Variants in ANXA2R observed in about 807,000 individuals in gnomAD.
ANXA2R encodes the protein annexin A2 receptor.
For synonymous variants in ANXA2R, 93 were observed against 93.6 expected (o/e 0.99, Z 0.04); for missense variants, 244 against 241.5 (o/e 1.01, Z -0.07).
upstream of ANXA2R, chr5:43,041,750 G>A (rs895456976): frequency 3.9e-5 from 6 of 152,072 alleles, no homozygotes; most frequent in Non-Finnish European, 8.8e-5. Context: ...GAACTTGCTA[G>A]GACTAAGAAA....
Position 43,040,115 on chromosome 5 carries a change from G to A in ANXA2R, c.-69C>T. 6.9e-7 allele frequency: 1 copy of A among 1,448,508 alleles called. No individual in the cohort carries two copies. Among genetic ancestry groups the A allele is most frequent in the Non-Finnish European group, 9.3e-7 (1 of 1,071,300 alleles). The allele number at this position is 1,448,508 out of a possible 1,614,324, so 89.7% of individuals were successfully genotyped here. A position where few individuals can be genotyped will look rare whatever the true frequency, so the allele number is the denominator to read the frequency against. ...AGTCTCTGCACTACCATCAGCCTGA[G>A]TATTTATGCTCTGCAGAGCCCGTGG... is the stretch of plus-strand genomic sequence containing the variant. On this transcript the variant is annotated 5_prime_UTR_variant, in exon 1 of 1. Transcript: ENST00000616064.
Position 43,039,443 on chromosome 5 carries a change from C to G in ANXA2R, c.*22G>C, listed in dbSNP as rs768373506. ...TGAGAATCTTTTCAAGGAGGAGAATCCAAAAAGCCTTCTGCTGCTATCTAA... is the reference window on the plus strand; with the variant it reads ...TGAGAATCTTTTCAAGGAGGAGAATGCAAAAAGCCTTCTGCTGCTATCTAA... On this transcript the variant is annotated 3_prime_UTR_variant, in exon 1 of 1. Transcript: ENST00000616064. The G allele has an allele frequency of 6.7e-7, 1 of 1,485,220 alleles. No individual in the cohort carries two copies. Among genetic ancestry groups the G allele is most frequent in the Admixed American group, 2.5e-5 (1 of 40,090 alleles). 92.0% of individuals were successfully genotyped at this position (1,485,220 alleles called of 1,614,324 possible). A position where few individuals can be genotyped will look rare whatever the true frequency, so the allele number is the denominator to read the frequency against.
chr5:43,039,555 G>A lies in ANXA2R; in HGVS notation c.492C>T (p.Asp164=). ...CAACGCGAAGAATCCACTCCAGGCA[G>A]TCTGAGAAACCCGGGAGGTGGCGCC... ...QPWRHLPGFS[D]CLEWILRVGF... Residue 164 remains aspartate, a synonymous_variant, in exon 1 of 1, where the codon GAC becomes GAT. Coordinates refer to ENST00000616064, the MANE Select transcript of ANXA2R (RefSeq NM_001014279.3). The A allele has an allele frequency of 6.2e-7, 1 of 1,613,876 alleles. No individual in the cohort carries two copies. The highest frequency in any genetic ancestry group is 8.5e-7 in the Non-Finnish European group (1 of 1,179,846).
Position 43,039,970 on chromosome 5 carries a change from G to C in ANXA2R, c.77C>G (p.Pro26Arg). ...AEVAPEPQPP[P>R]IVSSEDRGPW... ...CCCACGATCTTCTGAACTCACAATA[G>C]GTGGAGGCTGGGGCTCTGGCGCCAC... The change falls in exon 1 of 1, where the codon CCT becomes CGT. Residue 26 changes from proline to arginine, a missense_variant. Physicochemically the swap from Pro to Arg is moderately radical, Grantham distance 103. Coordinates refer to ENST00000616064, the MANE Select transcript of ANXA2R (RefSeq NM_001014279.3). The C allele has an allele frequency of 6.2e-7, 1 of 1,614,048 alleles. No homozygotes were observed. Among genetic ancestry groups the C allele is most frequent in the Non-Finnish European group, 8.5e-7 (1 of 1,180,036 alleles).
In ANXA2R at chr5:43,039,944, G is replaced by A. The variant is rs1393011200; in HGVS notation, c.103C>T (p.Pro35Ser). 1.2e-6 allele frequency: 2 copies of A among 1,614,168 alleles called. No homozygotes were observed. The highest frequency in any genetic ancestry group is 1.1e-5 in the South Asian group (1 of 91,088). ...ACTGGATACAAAGGAAGAGGCCACG[G>A]CCCACGATCTTCTGAACTCACAATA... ...PPIVSSEDRG[P>S]WPLPLYPVLG... is the part of the protein sequence containing the mutation. The change falls in exon 1 of 1, where the codon CCG becomes TCG. Residue 35 changes from proline to serine, a missense_variant. By Grantham distance (74) the Pro-to-Ser change is moderately conservative (BLOSUM62 -1). Coordinates refer to ENST00000616064, the MANE Select transcript of ANXA2R (RefSeq NM_001014279.3).
upstream of ANXA2R, chr5:43,042,313 G>A (rs1337200559): frequency 6.5e-6 from 1 of 152,702 alleles, no homozygotes; most frequent in Non-Finnish European, 1.5e-5. This position sits in a 1 kb window ranked among gnomAD's most constrained non-coding sequence, Gnocchi z 5.6. Context: ...GAGAAATGGA[G>A]GCACAGAGCT....
chr5:43,039,572 G>A lies in ANXA2R; in HGVS notation c.475C>T (p.Leu159Phe). ...HPPALQPWRH[L>F]PGFSDCLEWI... Reference sequence around the variant, plus strand: ...TCCAGGCAGTCTGAGAAACCCGGGAGGTGGCGCCACGGCTGGAGGGCAGGA... The same window carrying A: ...TCCAGGCAGTCTGAGAAACCCGGGAAGTGGCGCCACGGCTGGAGGGCAGGA... The change falls in exon 1 of 1, where the codon CTC (leucine) becomes TTC (phenylalanine). Residue 159 changes from leucine (L) to phenylalanine (F), a missense_variant. Transcript: ENST00000616064. The A allele has an allele frequency of 1.9e-6, 3 of 1,613,998 alleles. No individual in the cohort carries two copies. Among genetic ancestry groups the A allele is most frequent in the Non-Finnish European group, 2.5e-6 (3 of 1,179,920 alleles).
chr5:43,040,118 T>C lies in ANXA2R; in HGVS notation c.-72A>G. On this transcript the variant is annotated 5_prime_UTR_variant, in exon 1 of 1. Coordinates refer to ENST00000616064, the MANE Select transcript of ANXA2R (RefSeq NM_001014279.3). ...CTCTGCACTACCATCAGCCTGAGTA[T>C]TTATGCTCTGCAGAGCCCGTGGGCG... is the stretch of plus-strand genomic sequence containing the variant. 6.9e-7 allele frequency: 1 copy of C among 1,440,452 alleles called. No homozygotes were observed. Among genetic ancestry groups the C allele is most frequent in the Non-Finnish European group, 9.4e-7 (1 of 1,064,726 alleles). The allele number at this position is 1,440,452 out of a possible 1,614,324, so 89.2% of individuals were successfully genotyped here. A position where few individuals can be genotyped will look rare whatever the true frequency, so the allele number is the denominator to read the frequency against.
upstream of ANXA2R, chr5:43,041,115 GA>G (rs68132997): frequency 0.77 from 116,138 of 150,922 alleles, 45,289 homozygotes; most frequent in Middle Eastern, 0.83. Flanking sequence ...AAAATTAGAA[GA>G]AAAAAAAAAT....
chr5:43,039,430 C>A lies in ANXA2R; in HGVS notation c.*35G>T. ...GACGTTTGGTAACTGAGAATCTTTT[C>A]AAGGAGGAGAATCCAAAAAGCCTTC... is the stretch of plus-strand genomic sequence containing the variant. On this transcript the variant is annotated 3_prime_UTR_variant, in exon 1 of 1. Transcript: ENST00000616064. 1 of 1,465,808 alleles carries A rather than the reference C, an allele frequency of 6.8e-7. No homozygotes were observed. The highest frequency in any genetic ancestry group is 1.5e-5 in the South Asian group (1 of 67,342). 90.8% of individuals were successfully genotyped at this position (1,465,808 alleles called of 1,614,324 possible). A position where few individuals can be genotyped will look rare whatever the true frequency, so the allele number is the denominator to read the frequency against.
chr5:43,042,764 G>C (rs757351409), upstream of ANXA2R: 2 of 152,748 alleles, frequency 1.3e-5, no homozygotes, highest in Non-Finnish European at 2.9e-5. This position sits in a 1 kb window ranked among gnomAD's most constrained non-coding sequence, Gnocchi z 5.6. Context: ...CCCACGTGGC[G>C]GTGGGGCCAG....
Position 43,039,883 on chromosome 5 carries a change from C to T in ANXA2R, c.164G>A (p.Gly55Glu). ...GEYSLDSCDL[G>E]LLSSPCWRLP... ...CCGCCAGCAAGGGCTGGAAAGCAGT[C>T]CCAAATCACAGCTGTCCAGTGAGTA... is the stretch of plus-strand genomic sequence containing the variant. The change falls in exon 1 of 1, where the codon GGA becomes GAA. Residue 55 changes from glycine to glutamate, a missense_variant. Physicochemically the swap from Gly to Glu is moderately conservative, Grantham distance 98. Transcript: ENST00000616064. 6.2e-7 allele frequency: 1 copy of T among 1,614,212 alleles called. No individual in the cohort carries two copies. The highest frequency in any genetic ancestry group is 8.5e-7 in the Non-Finnish European group (1 of 1,180,038).
At chr5:43,041,676 C>A (rs1731421295), upstream of ANXA2R, 2 of 151,762 alleles carry the variant, frequency 1.3e-5, no homozygotes, top group Admixed American at 1.3e-4. Flanking sequence ...CGCTGGTACC[C>A]AGATTTCCAC....
At position 43,039,997 on chromosome 5, in the gene ANXA2R, T is replaced by C; in HGVS notation, c.50A>G (p.Glu17Gly). The C allele has an allele frequency of 6.2e-7, 1 of 1,613,226 alleles. No homozygotes were observed. The highest frequency in any genetic ancestry group is 8.5e-7 in the Non-Finnish European group (1 of 1,179,830). ...TGGAGGCTGGGGCTCTGGCGCCACC[T>C]CTGCGGAATCCCAAGCCCGCTTCAC... Reference protein sequence around the residue: ...GCVKRAWDSAEVAPEPQPPPI... With the variant: ...GCVKRAWDSAGVAPEPQPPPI... The change falls in exon 1 of 1, where the codon GAG (glutamate) becomes GGG (glycine). Residue 17 changes from glutamate to glycine, a missense_variant. Coordinates refer to ENST00000616064, the MANE Select transcript of ANXA2R (RefSeq NM_001014279.3).
chr5:43,039,718 G>A lies in ANXA2R; in HGVS notation c.329C>T (p.Ala110Val), dbSNP rs200469870. Residue 110 changes from alanine (A) to valine (V), a missense_variant, in exon 1 of 1, where the codon GCA becomes GTA. By Grantham distance (64) the Ala-to-Val change is moderately conservative (BLOSUM62 0). Transcript: ENST00000616064. ...QEAPVEEVGQ[A>V]EEPDRLRLQQ... is the part of the protein sequence containing the mutation. ...GAGCCTGAGTCTGTCGGGTTCCTCT[G>A]CCTGCCCCACCTCTTCTACGGGTGC... 8 of 1,614,012 alleles carry A rather than the reference G, an allele frequency of 5.0e-6. No individual in the cohort carries two copies. The highest frequency in any genetic ancestry group is 1.3e-5 in the African/African-American group (1 of 74,924).
chr5:43,039,842 A>G lies in ANXA2R; in HGVS notation c.205T>C (p.Trp69Arg). 6.2e-7 allele frequency: 1 copy of G among 1,614,238 alleles called. No individual in the cohort carries two copies. Among genetic ancestry groups the G allele is most frequent in the Non-Finnish European group, 8.5e-7 (1 of 1,180,036 alleles). The change falls in exon 1 of 1, where the codon TGG (tryptophan) becomes CGG (arginine). Residue 69 changes from tryptophan to arginine, a missense_variant. By Grantham distance (101) the Trp-to-Arg change is moderately radical (BLOSUM62 -3). Transcript: ENST00000616064. Reference sequence around the variant, plus strand: ...ACTCCAGGAGAGAGTCCGTTTTGCCAGTAGACTCCGGGCAGCCGCCAGCAA... The same window carrying G: ...ACTCCAGGAGAGAGTCCGTTTTGCCGGTAGACTCCGGGCAGCCGCCAGCAA... ...SPCWRLPGVY[W>R]QNGLSPGVQS...
chr5:43,042,562 G>A (rs1310148351), upstream of ANXA2R: 3 of 152,708 alleles, frequency 2.0e-5, no homozygotes, highest in Admixed American at 2.0e-4. This position sits in a 1 kb window ranked among gnomAD's most constrained non-coding sequence, Gnocchi z 5.6. Flanking sequence ...CGGAAACGCC[G>A]GGTGCTGCGA....
Sources: gnomAD v4.1 joint callset for allele counts on GRCh38, gnomAD v4.1.1 for gene constraint, Gnocchi (gnomAD v3.1) non-coding constraint, MANE v1.5 for transcripts, NCBI Gene and HGNC (gene_info 2026-07-23, HGNC 2026-07-21) for gene names.